GARNL3: variants seen among roughly 807,000 people sequenced by gnomAD.
GARNL3 encodes GTPase activating Rap/RanGAP domain like 3.
In GARNL3, 63 loss-of-function variants were observed where a neutral mutation model predicts 125.0. The ratio of observed to expected loss-of-function variants is 0.50; its 90% confidence interval spans 0.41 to 0.62. The LOEUF is 0.62. GARNL3 is among the 20% of genes least tolerant of loss of function. The probability of loss-of-function intolerance (pLI) is 0.00; values close to 1 mark genes in which losing one functional copy is unlikely to be tolerated. For missense variants in GARNL3, 994 were observed against 1,244.0 expected, an observed-to-expected ratio of 0.80 and a Z score of 3.02; for synonymous variants, 439 against 457.5, an observed-to-expected ratio of 0.96 and a Z score of 0.52.
At chr9:127,240,627 G>T (rs1320781433) in intron 1 of GARNL3, among the ~76,000 whole-genome samples, 1 of 152,234 alleles carries the variant, frequency 6.6e-6, no homozygotes, top group Non-Finnish European at 1.5e-5. Flanking sequence ...TAAGGGGCTA[G>T]GCATGGCATT....
chr9:127,375,936 G>T (rs992142390), intron 22 of GARNL3, among the ~76,000 whole-genome samples: 1 of 152,130 alleles, frequency 6.6e-6, no homozygotes, highest in Admixed American at 6.5e-5. Flanking sequence ...CAAGCCTTCT[G>T]ATGACTGTAA....
At chr9:127,341,149 A>G (rs914885557) in intron 13 of GARNL3, among the ~76,000 whole-genome samples, 1 of 152,188 alleles carries the variant, frequency 6.6e-6, no homozygotes, top group Non-Finnish European at 1.5e-5. Context: ...ACCAGGGTCC[A>G]TGGGTGATGT....
intron 6 of GARNL3, 35 bp from the exon 7 acceptor site, chr9:127,325,034 T>G: frequency 6.2e-7 from 1 of 1,600,400 alleles, no homozygotes; most frequent in Admixed American, 1.7e-5. Flanking sequence ...ATTACTGTTA[T>G]GCCTGGATGT....
At position 127,293,599 on chromosome 9, in the gene GARNL3, T is replaced by C. The variant is rs2064493621; in HGVS notation, c.219+2357T>C. Among the ~76,000 whole-genome samples the C allele has an allele frequency of 2.0e-5, 3 of 152,302 alleles. No individual in the cohort carries two copies. The South Asian group carries it at 6.2e-4, about 32-fold the overall frequency. ...TTCCCTTGAGATAATGTCAAATTTG[T>C]CTTTTATTTCTTTAAACATAGTGTA... On this transcript the variant is annotated intron_variant, in intron 2 of 27. Transcript: ENST00000373387.
At chr9:127,297,447 C>A (rs2064637100) in intron 2 of GARNL3, among the ~76,000 whole-genome samples, 1 of 152,142 alleles carries the variant, frequency 6.6e-6, no homozygotes, top group Admixed American at 6.5e-5. Flanking sequence ...CCTATATTTT[C>A]TTTTTTCTTT....
At chr9:127,226,534 G>A (rs1247468906) in intron 1 of GARNL3, among the ~76,000 whole-genome samples, 2 of 152,202 alleles carry the variant, frequency 1.3e-5, no homozygotes, top group Non-Finnish European at 2.9e-5. Context: ...TGTCTGACCC[G>A]CTGGTGCTTC....
At chr9:127,265,086 C>T (rs1161052797) in intron 1 of GARNL3, 65 bp downstream of exon 1, 3 of 1,408,842 alleles carry the variant, frequency 2.1e-6, no homozygotes, top group Admixed American at 3.9e-5. Context: ...TTGCCAAGCT[C>T]ATCAGATCTT....
At chr9:127,387,743 C>CAAAAAAAAAA (rs59031446) in intron 25 of GARNL3, among the ~76,000 whole-genome samples, 1 of 57,896 alleles carries the variant, frequency 1.7e-5, no homozygotes, top group African/African-American at 5.7e-5. Flanking sequence ...ACTCTGTCTA[C>CAAAAAAAAAA]AAAAAAAAAA....
intron 1 of GARNL3, among the ~76,000 whole-genome samples, chr9:127,278,442 A>G (rs780891540): frequency 5.3e-5 from 8 of 152,206 alleles, no homozygotes; most frequent in Non-Finnish European, 7.4e-5. Context: ...ATAAATAGCA[A>G]TAGTTGCAGG....
chr9:127,315,784 A>G (rs146333258), intron 4 of GARNL3, among the ~76,000 whole-genome samples: 1 of 152,356 alleles, frequency 6.6e-6, no homozygotes, highest in African/African-American at 2.4e-5. Context: ...AATGATTTGT[A>G]CTTATTTTGA....
intron 2 of GARNL3, among the ~76,000 whole-genome samples, chr9:127,254,755 C>T (rs930951546): frequency 9.8e-5 from 14 of 143,582 alleles, no homozygotes; most frequent in African/African-American, 7.8e-5. Context: ...GGTGACAGAG[C>T]GAGATTCTGT....
intron 2 of GARNL3, among the ~76,000 whole-genome samples, chr9:127,248,766 C>T (rs1442001727): frequency 6.6e-6 from 1 of 151,562 alleles, no homozygotes; most frequent in African/African-American, 2.4e-5. Context: ...CGCCACCATG[C>T]CCAGTTAATG....
chr9:127,244,849 C>T (rs930777837), intron 2 of GARNL3, among the ~76,000 whole-genome samples: 1 of 152,202 alleles, frequency 6.6e-6, no homozygotes, highest in South Asian at 2.1e-4. Flanking sequence ...CCGCACCTTC[C>T]AGAAACTGCC....
intron 9 of GARNL3, among the ~76,000 whole-genome samples, chr9:127,333,807 C>A (rs1311657677): frequency 6.6e-6 from 1 of 152,072 alleles, no homozygotes; most frequent in Non-Finnish European, 1.5e-5. Flanking sequence ...GGGGGCATGA[C>A]CCTGAAGGGA....
chr9:127,237,681 G>A (rs2063137483), intron 1 of GARNL3, among the ~76,000 whole-genome samples: 1 of 152,206 alleles, frequency 6.6e-6, no homozygotes, highest in African/African-American at 2.4e-5. Context: ...ATGCCCATGT[G>A]GGAACCACCT....
At chr9:127,387,071 C>T in intron 24 of GARNL3, 122 bp from the exon 25 acceptor site, 2 of 1,036,928 alleles carry the variant, frequency 1.9e-6, no homozygotes, top group Non-Finnish European at 1.4e-6. Flanking sequence ...CGGCATCCCG[C>T]ACTGCACTGT....
At chr9:127,264,009 G>A (rs1404224715), upstream of GARNL3, 7 of 1,497,036 alleles carry the variant, frequency 4.7e-6, no homozygotes, top group East Asian at 1.2e-4. Flanking sequence ...GGTACTAAAT[G>A]CACCTTTCTT....
intron 17 of GARNL3, among the ~76,000 whole-genome samples, chr9:127,350,810 C>T (rs1460360614): frequency 2.6e-5 from 4 of 151,750 alleles, no homozygotes; most frequent in Admixed American, 2.6e-4. Flanking sequence ...TTAGATCTTG[C>T]CAAAAGTGAA....
chr9:127,267,930 A>G (rs897806846), intron 1 of GARNL3, among the ~76,000 whole-genome samples: 6 of 152,222 alleles, frequency 3.9e-5, no homozygotes, highest in African/African-American at 1.4e-4. Flanking sequence ...CTTGTGAAGA[A>G]TGAAGCTCGG....
Sources: allele counts gnomAD v4.1 joint callset (sites outside exome capture counted in the v4.1 genomes callset), GRCh38; gene constraint gnomAD v4.1.1; transcripts MANE v1.5; gene names NCBI Gene and HGNC (gene_info 2026-07-23, HGNC 2026-07-21).